TDRKH: variants seen among roughly 807,000 people sequenced by gnomAD.
TDRKH encodes the protein tudor and KH domain containing.
In TDRKH, 28 loss-of-function variants were observed where a neutral mutation model predicts 61.3. The observed-to-expected ratio is 0.46, with a 90% confidence interval of 0.34 to 0.63. The LOEUF is 0.63. Ranked by LOEUF, TDRKH falls within the 20% of genes least tolerant of loss-of-function variation. The probability of loss-of-function intolerance (pLI) is 0.01; values close to 1 mark genes in which losing one functional copy is unlikely to be tolerated. For synonymous variants in TDRKH, 219 were observed against 244.4 expected (o/e 0.90, Z 0.97); for missense variants, 540 against 683.4 (o/e 0.79, Z 2.34).
downstream of TDRKH, among the ~76,000 whole-genome samples, chr1:151,768,522 G>C (rs1036525706): frequency 3.3e-5 from 5 of 152,166 alleles, no homozygotes; most frequent in African/African-American, 9.7e-5. Flanking sequence ...CCAGTGATGT[G>C]CAATCTCTTG....
At chr1:151,767,959 G>A, downstream of TDRKH, 1 of 1,464,834 alleles carries the variant, frequency 6.8e-7, no homozygotes, top group Non-Finnish European at 9.3e-7. Flanking sequence ...AATTCTCCCA[G>A]GCTCTCCCCA....
chr1:151,789,205 G>C (rs986494892), intron 1 of TDRKH, among the ~76,000 whole-genome samples: 1 of 152,062 alleles, frequency 6.6e-6, no homozygotes, highest in African/African-American at 2.4e-5. Context: ...TGAAGCAAAA[G>C]GTAAATTTCA....
At chr1:151,783,692 T>G (rs1650055624) in intron 1 of TDRKH, 1 of 152,334 alleles carries the variant, frequency 6.6e-6, no homozygotes, top group South Asian at 2.1e-4. Flanking sequence ...TTCTGTGCCC[T>G]CTTTCTCTTG....
At position 151,779,124 on chromosome 1, in the gene TDRKH, C is replaced by T; in HGVS notation, c.540G>A (p.Gln180=). ...TTGCCTTGGCTGCTGCCACTTCCTT[C>T]TGTGTTCCTGAGATTTTTATAAGTC... ...LSRLIKISGT[Q]KEVAAAKHLI... is the part of the protein sequence containing the mutation. Residue 180 remains glutamine (Q), a synonymous_variant, in exon 5 of 13, where the codon CAG becomes CAA. Transcript: ENST00000368824. 6.2e-7 allele frequency: 1 copy of T among 1,614,146 alleles called. No homozygotes were observed. Among genetic ancestry groups the T allele is most frequent in the South Asian group, 1.1e-5 (1 of 91,066 alleles).
chr1:151,779,433 T>G (rs1445977361), intron 4 of TDRKH, among the ~76,000 whole-genome samples, 191 bp from the exon 5 acceptor site: 1 of 152,216 alleles, frequency 6.6e-6, no homozygotes, highest in Non-Finnish European at 1.5e-5. Flanking sequence ...ACCATATTCT[T>G]TCCTTTTTCC....
At chr1:151,772,311 C>T (rs1008928266), downstream of TDRKH, among the ~76,000 whole-genome samples, 2 of 149,602 alleles carry the variant, frequency 1.3e-5, no homozygotes, top group South Asian at 2.1e-4. Context: ...AGGCTGGTCT[C>T]GAACTCCTGA....
rs1322531955 is a variant in TDRKH at position 151,774,786 on chromosome 1, A to C, written c.1557T>G (p.Ser519=). Residue 519 remains serine, a synonymous_variant, in exon 12 of 13, where the codon TCT becomes TCG. Transcript: ENST00000368824. The part of the protein sequence containing the change: ...LKDMATETDA[S]LSTLLTETKK... ...TGGTCTCAGTGAGCAACGTGCTGAG[A>C]GAGGCATCTGTTTCTGTGGCCTGAG... The C allele has an allele frequency of 2.5e-6, 4 of 1,614,076 alleles. No homozygotes were observed. The highest frequency in any genetic ancestry group is 1.6e-4 in the Middle Eastern group (1 of 6,080).
downstream of TDRKH, chr1:151,770,221 GTGTT>G (rs768863298): frequency 1.2e-6 from 2 of 1,613,900 alleles, no homozygotes; most frequent in East Asian, 2.2e-5. Flanking sequence ...TGTGGACTCT[GTGTT>G]TGTGAACTTC....
chr1:151,771,397 C>A, downstream of TDRKH: 1 of 1,278,446 alleles, frequency 7.8e-7, no homozygotes, highest in Non-Finnish European at 1.0e-6. Flanking sequence ...TACACCTTAA[C>A]AGAGCTAAAT....
Position 151,775,896 on chromosome 1 carries a change from GA to G in TDRKH, c.1218-13del. 1 of 1,610,292 alleles carries G rather than the reference GA, an allele frequency of 6.2e-7. No individual in the cohort carries two copies. The highest frequency in any genetic ancestry group is 1.3e-5 in the African/African-American group (1 of 74,986). On this transcript the variant is annotated splice_polypyrimidine_tract_variant and intron_variant, in intron 8 of 12. Coordinates refer to ENST00000368824, the MANE Select transcript of TDRKH (RefSeq NM_001083965.2). The stretch of plus-strand genomic sequence containing the variant: ...TTAGGAAGTCACTCCTGAAGTAAAA[GA>G]AACTAAAATTAGAATCCTGGGGCCA...
At position 151,774,350 on chromosome 1, in the gene TDRKH, A is replaced by G. The variant is rs1347853211; in HGVS notation, c.*102T>C. Reference sequence around the variant, plus strand: ...GGCATGGGAAAGAGGGAATCAAAGCAAGTGCCCCACTGTCGCCCTCATTAC... The same window carrying G: ...GGCATGGGAAAGAGGGAATCAAAGCGAGTGCCCCACTGTCGCCCTCATTAC... On this transcript the variant is annotated 3_prime_UTR_variant, in exon 13 of 13. Transcript: ENST00000368824. 21 of 1,205,264 alleles carry G rather than the reference A, an allele frequency of 1.7e-5. No individual in the cohort carries two copies. The highest frequency in any genetic ancestry group is 2.5e-5 in the Non-Finnish European group (21 of 844,884). 74.7% of individuals were successfully genotyped at this position (1,205,264 alleles called of 1,614,324 possible). A position where few individuals can be genotyped will look rare whatever the true frequency, so the allele number is the denominator to read the frequency against.
intron 2 of TDRKH, 107 bp downstream of exon 2, chr1:151,782,792 C>G: frequency 7.1e-6 from 10 of 1,414,864 alleles, no homozygotes; most frequent in Non-Finnish European, 8.3e-6. Flanking sequence ...CAAAAAACCC[C>G]AAAACAAAAC....
rs138250521 is a variant in TDRKH at position 151,776,126 on chromosome 1, T to A, written c.1187A>T (p.Asp396Val). 2 of 1,613,962 alleles carry A rather than the reference T, an allele frequency of 1.2e-6. No homozygotes were observed. The highest frequency in any genetic ancestry group is 4.5e-5 in the East Asian group (2 of 44,864). Reference sequence around the variant, plus strand: ...AGCCCTGAGGTCCTTCAGTGGGCAATCTCCATTATCTCCAAAGTCAACAAA... The same window carrying A: ...AGCCCTGAGGTCCTTCAGTGGGCAAACTCCATTATCTCCAAAGTCAACAAA... ...LYFVDFGDNGDCPLKDLRALR... is the reference protein window; with the variant it reads ...LYFVDFGDNGVCPLKDLRALR... Residue 396 changes from aspartate to valine, a missense_variant, in exon 8 of 13, where the codon GAT becomes GTT. By Grantham distance (152) the Asp-to-Val change is radical (BLOSUM62 -3). Transcript: ENST00000368824.
Position 151,779,941 on chromosome 1 carries a change from C to G in TDRKH, c.421+10G>C, listed in dbSNP as rs140654969. The G allele has an allele frequency of 5.0e-6, 8 of 1,601,374 alleles. No individual in the cohort carries two copies. In the African/African-American group the frequency reaches 1.1e-4, roughly 21 times the overall value. On this transcript the variant is annotated intron_variant, in intron 4 of 12. Transcript: ENST00000368824. ...TAAAGGAAACAATAGAGGAAGCCAT[C>G]CAGTGGTACCTATGATTCTGCCCAC...
At chr1:151,770,093 GACCATGGGGAGACGGAGAC>G (rs1648605422), downstream of TDRKH, 4 of 453,542 alleles carry the variant, frequency 8.8e-6, no homozygotes, top group Non-Finnish European at 1.4e-5. Context: ...GGGAGAGGGA[GACCATGGGGAGACGGAGAC>G]GGAGAGGGAG....
intron 3 of TDRKH, among the ~76,000 whole-genome samples, 153 bp downstream of exon 3, chr1:151,781,328 A>AAAATATATATATATATATATATAT (rs1491536697): frequency 2.0e-4 from 14 of 68,574 alleles, no homozygotes; most frequent in Non-Finnish European, 4.4e-4. Flanking sequence ...AAAAAAAAAA[A>AAAATATATATATATATATATATAT]ATATATATAT....
At chr1:151,770,304 A>G (rs1376447668), downstream of TDRKH, 2 of 1,591,252 alleles carry the variant, frequency 1.3e-6, no homozygotes, top group East Asian at 2.2e-5. Context: ...AGGCAGCTGG[A>G]TAACTCCTTT....
At chr1:151,776,303 A>G in intron 7 of TDRKH, 35 bp from the exon 8 acceptor site, 1 of 1,607,034 alleles carries the variant, frequency 6.2e-7, no homozygotes, top group South Asian at 1.1e-5. Flanking sequence ...GCAGAGAGTT[A>G]CAAAGTGGTA....
chr1:151,781,792 ACT>A (rs1649845630), intron 2 of TDRKH: 1 of 549,010 alleles, frequency 1.8e-6, no homozygotes, highest in African/African-American at 1.9e-5. Flanking sequence ...TCTCTGGGAC[ACT>A]GTTTCAGATG....
Sources: allele counts gnomAD v4.1 joint callset (sites outside exome capture counted in the v4.1 genomes callset), GRCh38; gene constraint gnomAD v4.1.1; transcripts MANE v1.5; gene names NCBI Gene and HGNC (gene_info 2026-07-23, HGNC 2026-07-21).